Variants in RBFOX1 observed in about 807,000 individuals in gnomAD.
RBFOX1 encodes RNA binding fox-1 homolog 1.
RBFOX1 carries 8 observed loss-of-function variants against 57.7 expected under a neutral mutation model. The ratio of observed to expected loss-of-function variants is 0.14; its 90% CI spans 0.08 to 0.25. RBFOX1 has a LOEUF of 0.25. Among genes scored for constraint, RBFOX1 ranks in the 10% least tolerant of loss-of-function variants. The probability of loss-of-function intolerance (pLI) is 1.00; values close to 1 mark genes in which losing one functional copy is unlikely to be tolerated. For missense variants in RBFOX1, 611 were observed against 548.5 expected, an observed-to-expected ratio of 1.11 and a Z score of -1.14; for synonymous variants, 326 against 222.4, an observed-to-expected ratio of 1.47 and a Z score of -4.15.
At chr16:7,150,701 A>T (rs966910653) in intron 4 of RBFOX1, among the ~76,000 whole-genome samples, 8 of 152,238 alleles carry the variant, frequency 5.3e-5, no homozygotes, top group African/African-American at 1.9e-4. Context: ...TAAGTCAAAG[A>T]TTGTTTGGAT....
chr16:7,413,544 A>C (rs2098450311), intron 4 of RBFOX1, among the ~76,000 whole-genome samples: 1 of 151,796 alleles, frequency 6.6e-6, no homozygotes, highest in Non-Finnish European at 1.5e-5. Flanking sequence ...GTCTCCTTGT[A>C]AGGCTGCCAT....
At chr16:6,949,565 T>C (rs1481443333) in intron 3 of RBFOX1, among the ~76,000 whole-genome samples, 1 of 120,346 alleles carries the variant, frequency 8.3e-6, no homozygotes, top group African/African-American at 3.1e-5. Flanking sequence ...CTTCGGGGTG[T>C]GTCCTCACTT....
chr16:7,427,203 ATG>A (rs529085334), intron 4 of RBFOX1, among the ~76,000 whole-genome samples: 55 of 152,340 alleles, frequency 3.6e-4, no homozygotes, highest in South Asian at 3.5e-3. Flanking sequence ...AACATGGCAC[ATG>A]TATACATATG....
chr16:7,658,834 C>T (rs911273721), intron 12 of RBFOX1, among the ~76,000 whole-genome samples: 1 of 152,312 alleles, frequency 6.6e-6, no homozygotes, highest in South Asian at 2.1e-4. Context: ...AAGCAATTCT[C>T]CTGTCTTCAG....
At chr16:6,484,374 T>C (rs1021444323) in intron 2 of RBFOX1, among the ~76,000 whole-genome samples, 2 of 152,202 alleles carry the variant, frequency 1.3e-5, no homozygotes, top group African/African-American at 4.8e-5. Flanking sequence ...ACTCTTCATC[T>C]TCTCTGCCTG....
At chr16:6,871,652 C>G (rs562297979) in intron 3 of RBFOX1, among the ~76,000 whole-genome samples, 1 of 150,968 alleles carries the variant, frequency 6.6e-6, no homozygotes, top group Non-Finnish European at 1.5e-5. Flanking sequence ...GTGCTGTCAA[C>G]ACTTCTAAAC....
chr16:6,860,298 A>C (rs929314143), intron 3 of RBFOX1, among the ~76,000 whole-genome samples: 1 of 152,190 alleles, frequency 6.6e-6, no homozygotes, highest in Non-Finnish European at 1.5e-5. Context: ...CTGATGACTA[A>C]ATGTTCTCAG....
rs577788014 is a variant in RBFOX1 at position 6,334,719 on chromosome 16, T to C, written c.-64+17662T>C. ...AGTTCTCATTCGCAGAGGATCCCTGTAGTTCTGTTGAGAATTCATTGGAAC... is the reference window on the plus strand; with the variant it reads ...AGTTCTCATTCGCAGAGGATCCCTGCAGTTCTGTTGAGAATTCATTGGAAC... On this transcript the variant is annotated intron_variant, in intron 2 of 15. Transcript: ENST00000550418. Among the ~76,000 whole-genome samples the C allele has an allele frequency of 1.2e-3, 190 of 152,112 alleles. 1 individual carries two copies. The highest frequency in any genetic ancestry group is 2.2e-3 in the Non-Finnish European group (152 of 68,018).
chr16:6,894,841 G>A (rs902786266), intron 3 of RBFOX1, among the ~76,000 whole-genome samples: 1 of 152,168 alleles, frequency 6.6e-6, no homozygotes, highest in East Asian at 1.9e-4. Context: ...AATAAGACAT[G>A]TTGGGTTTAA....
At chr16:5,489,904 G>T (rs2042768736) in intron 2 of RBFOX1, among the ~76,000 whole-genome samples, 1 of 152,202 alleles carries the variant, frequency 6.6e-6, no homozygotes, top group African/African-American at 2.4e-5. Flanking sequence ...AACCTTCTTG[G>T]CACCTTAAGC....
chr16:6,779,677 A>G (rs2154225094), intron 3 of RBFOX1, among the ~76,000 whole-genome samples: 1 of 135,462 alleles, frequency 7.4e-6, no homozygotes, highest in South Asian at 2.2e-4. Context: ...ACCAGCATTC[A>G]TTATTGCCTA....
At position 6,849,329 on chromosome 16, in the gene RBFOX1, G is replaced by T. The variant is rs117043892; in HGVS notation, c.-16+194679G>T. 1.6e-4 allele frequency among the ~76,000 whole-genome samples: 24 copies of T among 152,292 alleles called. No individual in the cohort carries two copies. The East Asian group carries it at 4.6e-3, about 29-fold the overall frequency. On this transcript the variant is annotated intron_variant, in intron 3 of 15. Transcript: ENST00000550418. ...ATCGTGTTCATTTTTAAGAGAAATA[G>T]ATTATGACAAAAGTAGAAAAAATAT...
intron 4 of RBFOX1, among the ~76,000 whole-genome samples, chr16:7,341,917 A>G (rs538915950): frequency 1.3e-5 from 2 of 151,796 alleles, no homozygotes; most frequent in African/African-American, 4.8e-5. Context: ...ATAGAGTTCA[A>G]CACACCCACT....
intron 3 of RBFOX1, among the ~76,000 whole-genome samples, chr16:6,854,235 G>A (rs1326797973): frequency 1.3e-5 from 2 of 152,194 alleles, no homozygotes; most frequent in African/African-American, 4.8e-5. Flanking sequence ...CCATTAACAC[G>A]GAGGGACATA....
intron 4 of RBFOX1, among the ~76,000 whole-genome samples, chr16:5,949,037 C>T (rs1019676101): frequency 6.6e-6 from 1 of 152,112 alleles, no homozygotes; most frequent in Non-Finnish European, 1.5e-5. Context: ...ATATACACAA[C>T]TATTATGGGG....
At chr16:7,555,004 C>G (rs1876340) in intron 5 of RBFOX1, among the ~76,000 whole-genome samples, 105,358 of 152,046 alleles carry the variant, frequency 0.69, 36,698 homozygotes, top group Middle Eastern at 0.74. Flanking sequence ...GGTAGTATTG[C>G]ATATTTATAA....
At chr16:5,594,232 C>T (rs1247014622) in intron 2 of RBFOX1, among the ~76,000 whole-genome samples, 2 of 152,184 alleles carry the variant, frequency 1.3e-5, no homozygotes, top group African/African-American at 4.8e-5. Flanking sequence ...CCACCTCCTA[C>T]ATCTTTATTC....
At chr16:5,493,603 G>A (rs1234920534) in intron 2 of RBFOX1, among the ~76,000 whole-genome samples, 3 of 152,184 alleles carry the variant, frequency 2.0e-5, no homozygotes. Flanking sequence ...ACCTATCATG[G>A]GCAAATGTAA....
chr16:7,096,286 T>C (rs1274240273), intron 4 of RBFOX1, among the ~76,000 whole-genome samples: 3 of 152,152 alleles, frequency 2.0e-5, no homozygotes, highest in African/African-American at 7.2e-5. Context: ...GGCTGAGATA[T>C]CTGAGAAGTC....
Sources: allele counts gnomAD v4.1 joint callset (sites outside exome capture counted in the v4.1 genomes callset), GRCh38; gene constraint gnomAD v4.1.1; transcripts MANE v1.5; gene names NCBI Gene and HGNC (gene_info 2026-07-23, HGNC 2026-07-21).